RIMS2: variants seen among roughly 807,000 people sequenced by gnomAD.
RIMS2 encodes the protein regulating synaptic membrane exocytosis protein 2.
A neutral mutation model predicts 174.4 loss-of-function variants in RIMS2; 59 were observed. That is an observed-to-expected ratio of 0.34 (90% CI 0.27 to 0.42). The LOEUF is 0.42. Ranked by LOEUF, RIMS2 falls within the 10% of genes least tolerant of loss-of-function variation. RIMS2 has a pLI of 1.00. For synonymous variants in RIMS2, 606 were observed against 572.5 expected (o/e 1.06, Z -0.84); for missense variants, 1,620 against 1,666.3 (o/e 0.97, Z 0.48).
At chr8:103,585,907 G>C (rs2093891697) in intron 1 of RIMS2, among the ~76,000 whole-genome samples, 1 of 145,088 alleles carries the variant, frequency 6.9e-6, no homozygotes, top group Non-Finnish European at 1.5e-5. Flanking sequence ...TTAAAAAATT[G>C]CATCAATCAT....
chr8:104,235,234 T>C (rs1451247371), intron 19 of RIMS2, among the ~76,000 whole-genome samples: 1 of 152,130 alleles, frequency 6.6e-6, no homozygotes, highest in Non-Finnish European at 1.5e-5. Flanking sequence ...CTGATTATTC[T>C]GGAATTAGAA....
At chr8:104,072,510 T>C (rs1227840879) in intron 19 of RIMS2, among the ~76,000 whole-genome samples, 1 of 152,150 alleles carries the variant, frequency 6.6e-6, no homozygotes, top group Non-Finnish European at 1.5e-5. Context: ...TTACTTGGGC[T>C]AATTTAGTTT....
chr8:104,062,418 A>C (rs7459932), intron 19 of RIMS2, among the ~76,000 whole-genome samples: 5 of 152,106 alleles, frequency 3.3e-5, no homozygotes, highest in African/African-American at 1.2e-4. Flanking sequence ...AAAAAATTTT[A>C]AAAAAATTCA....
intron 1 of RIMS2, among the ~76,000 whole-genome samples, chr8:103,684,408 G>T (rs1027214834): frequency 6.6e-6 from 1 of 151,982 alleles, no homozygotes; most frequent in African/African-American, 2.4e-5. Context: ...ATTTTTTTAA[G>T]TTTATGATAT....
intron 19 of RIMS2, among the ~76,000 whole-genome samples, chr8:104,143,479 G>T (rs1337881259): frequency 6.6e-6 from 1 of 152,148 alleles, no homozygotes; most frequent in African/African-American, 2.4e-5. Context: ...GTGTGATGAA[G>T]TATGAGTTAT....
chr8:103,920,720 T>G, intron 9 of RIMS2: 1 of 456,824 alleles, frequency 2.2e-6, no homozygotes, highest in South Asian at 1.5e-5. Context: ...CCTAGCGTGG[T>G]GGCTCACGCG....
chr8:103,794,110 A>G (rs1395187951), intron 3 of RIMS2, among the ~76,000 whole-genome samples: 1 of 152,194 alleles, frequency 6.6e-6, no homozygotes, highest in African/African-American at 2.4e-5. Context: ...ACCAAAAAAG[A>G]GCCCACATTG....
chr8:103,637,480 T>C (rs1314644937), intron 1 of RIMS2, among the ~76,000 whole-genome samples: 1 of 152,256 alleles, frequency 6.6e-6, no homozygotes, highest in East Asian at 1.9e-4. Context: ...GATAAGTACT[T>C]GTGAAAGATA....
At position 104,034,547 on chromosome 8, in the gene RIMS2, T is replaced by C. The variant is rs551361788; in HGVS notation, c.3334+19932T>C. Among the ~76,000 whole-genome samples, 7 of 149,554 alleles carry C rather than the reference T, an allele frequency of 4.7e-5. No individual in the cohort carries two copies. In the East Asian group the frequency reaches 1.4e-3, roughly 30 times the overall value. On this transcript the variant is annotated intron_variant, in intron 19 of 23. Coordinates refer to ENST00000504942, the Ensembl canonical transcript of RIMS2. ...GTGCAATGGGGTGATCTCGGCTCAC[T>C]GTAGCCTCCACCTCCTGGTTCAAGC...
At chr8:104,099,859 C>A (rs1215102822) in intron 19 of RIMS2, among the ~76,000 whole-genome samples, 1 of 151,586 alleles carries the variant, frequency 6.6e-6, no homozygotes, top group Non-Finnish European at 1.5e-5. Flanking sequence ...CTGTGTTGCC[C>A]AGGCTGGAGT....
chr8:104,087,713 T>C (rs2154564182), intron 19 of RIMS2, among the ~76,000 whole-genome samples: 1 of 152,244 alleles, frequency 6.6e-6, no homozygotes, highest in Admixed American at 6.5e-5. Flanking sequence ...TTTCACAGGG[T>C]ATACAAATAA....
chr8:103,910,711 C>T (rs1194989811), intron 5 of RIMS2, among the ~76,000 whole-genome samples, 182 bp downstream of exon 8: 1 of 152,102 alleles, frequency 6.6e-6, no homozygotes, highest in Non-Finnish European at 1.5e-5. Flanking sequence ...AAAAAAACCT[C>T]TTGCTTGCTT....
chr8:104,233,678 T>A (rs1448644939), intron 19 of RIMS2, among the ~76,000 whole-genome samples: 1 of 152,198 alleles, frequency 6.6e-6, no homozygotes, highest in Non-Finnish European at 1.5e-5. Context: ...GAAACTCCAT[T>A]GTTATCTTAT....
chr8:103,975,511 G>C lies in RIMS2; in HGVS notation c.2927+5G>C. On this transcript the variant is annotated splice_donor_5th_base_variant and intron_variant, in intron 16 of 23. Coordinates refer to ENST00000504942, the Ensembl canonical transcript of RIMS2. Reference sequence around the variant, plus strand: ...CAGTGTCCCTCCTCCACAAAGGTAAGATAGACTACTTATTTTATTTGTAGG... The same window carrying C: ...CAGTGTCCCTCCTCCACAAAGGTAACATAGACTACTTATTTTATTTGTAGG... 6.2e-7 allele frequency: 1 copy of C among 1,607,514 alleles called. No homozygotes were observed. Among genetic ancestry groups the C allele is most frequent in the Non-Finnish European group, 8.5e-7 (1 of 1,174,828 alleles).
At chr8:103,653,780 A>G (rs2096488710) in intron 1 of RIMS2, among the ~76,000 whole-genome samples, 1 of 152,084 alleles carries the variant, frequency 6.6e-6, no homozygotes, top group South Asian at 2.1e-4. Context: ...AAAGTATGAT[A>G]TGTACTCTTC....
chr8:104,117,717 T>C (rs1019380334), intron 19 of RIMS2, among the ~76,000 whole-genome samples: 1 of 152,220 alleles, frequency 6.6e-6, no homozygotes, highest in Admixed American at 6.5e-5. Context: ...TTTGTTTATA[T>C]GGAATATTGT....
At chr8:103,964,115 A>C (rs2091068000) in intron 15 of RIMS2, among the ~76,000 whole-genome samples, 1 of 152,212 alleles carries the variant, frequency 6.6e-6, no homozygotes, top group Admixed American at 6.5e-5. Context: ...GGCAATTATA[A>C]ATAAAGCTGC....
chr8:103,894,592 G>A (rs1193675698), intron 4 of RIMS2, among the ~76,000 whole-genome samples: 1 of 151,490 alleles, frequency 6.6e-6, no homozygotes, highest in Non-Finnish European at 1.5e-5. Context: ...AATTTTTGAA[G>A]ATCAAATACC....
chr8:103,908,583 A>C (rs183137498), intron 4 of RIMS2, among the ~76,000 whole-genome samples: 81 of 152,184 alleles, frequency 5.3e-4, no homozygotes, highest in African/African-American at 1.7e-3. Context: ...CCATCTCATA[A>C]ATTTTTTCTT....
Sources: gnomAD v4.1 joint callset for allele counts (sites outside exome capture counted in the v4.1 genomes callset) on GRCh38, gnomAD v4.1.1 for gene constraint, MANE v1.5 for transcripts, NCBI Gene and HGNC (gene_info 2026-07-23, HGNC 2026-07-21) for gene names.